ARHGEF4: variants seen among roughly 807,000 people sequenced by gnomAD.
ARHGEF4 encodes Rho guanine nucleotide exchange factor 4.
Under a neutral mutation model 162.0 loss-of-function variants are expected in ARHGEF4, and 119 were observed. The ratio of observed to expected loss-of-function variants is 0.73; its 90% CI spans 0.63 to 0.86. The LOEUF is 0.86. Ranked by LOEUF, ARHGEF4 falls within the 40% of genes least tolerant of loss-of-function variation. The probability of loss-of-function intolerance (pLI) is 0.00; values close to 1 mark genes in which losing one functional copy is unlikely to be tolerated. For synonymous variants in ARHGEF4, 1,014 were observed against 979.9 expected, an observed-to-expected ratio of 1.03 and a Z score of -0.65; for missense variants, 2,488 against 2,456.0, an observed-to-expected ratio of 1.01 and a Z score of -0.28.
At chr2:130,962,110 G>A (rs139733907) in intron 4 of ARHGEF4, among the ~76,000 whole-genome samples, 3,636 of 152,056 alleles carry the variant, frequency 0.024, 134 homozygotes, top group African/African-American at 0.083. Flanking sequence ...ATGGTGGCGC[G>A]TGCCTGTAAT....
chr2:130,843,888 A>T (rs1305539869), intron 1 of ARHGEF4, among the ~76,000 whole-genome samples: 2 of 152,130 alleles, frequency 1.3e-5, no homozygotes, highest in African/African-American at 2.4e-5. Context: ...GTTTCTAGAG[A>T]CATGAACTCC....
At chr2:130,988,899 TATAGAGAGAG>T (rs1441306658) in intron 4 of ARHGEF4, among the ~76,000 whole-genome samples, 133 of 113,016 alleles carry the variant, frequency 1.2e-3, no homozygotes, top group South Asian at 2.6e-3. Context: ...TATATATATA[TATAGAGAGAG>T]AGAGAGAGAG....
At chr2:131,036,203 G>A (rs1406335827) in intron 5 of ARHGEF4, among the ~76,000 whole-genome samples, 1 of 152,234 alleles carries the variant, frequency 6.6e-6, no homozygotes, top group Non-Finnish European at 1.5e-5. Flanking sequence ...TAGCATCGGA[G>A]GTGGAGCATG....
intron 1 of ARHGEF4, among the ~76,000 whole-genome samples, chr2:130,845,770 G>A (rs1680914320): frequency 6.6e-6 from 1 of 152,218 alleles, no homozygotes; most frequent in African/African-American, 2.4e-5. Context: ...CCACAGAGCA[G>A]CACTAGGAGG....
intron 11 of ARHGEF4, 107 bp downstream of exon 11, chr2:131,043,690 C>A: frequency 6.5e-7 from 1 of 1,534,286 alleles, no homozygotes; most frequent in Non-Finnish European, 8.9e-7. Context: ...AGACCATACC[C>A]GGGGAGCCTG....
intron 5 of ARHGEF4, among the ~76,000 whole-genome samples, chr2:131,030,445 G>A (rs10186327): frequency 0.84 from 127,792 of 152,188 alleles, 56,301 homozygotes; most frequent in Non-Finnish European, 0.97. Context: ...TCCTGGCATT[G>A]GAGGTTGCTG....
chr2:130,895,441 G>C (rs1680098734), intron 1 of ARHGEF4, among the ~76,000 whole-genome samples: 1 of 152,188 alleles, frequency 6.6e-6, no homozygotes, highest in South Asian at 2.1e-4. Context: ...TAAACATCTA[G>C]GAGCAGAATT....
chr2:130,931,278 A>G (rs780405618), intron 3 of ARHGEF4, 21 bp downstream of exon 3: 2 of 1,577,956 alleles, frequency 1.3e-6, no homozygotes, highest in Non-Finnish European at 1.7e-6. Context: ...CCCGGCCAGG[A>G]GTCCTCAGAC....
chr2:130,966,106 T>G (rs1270720880), intron 4 of ARHGEF4, among the ~76,000 whole-genome samples: 3 of 151,974 alleles, frequency 2.0e-5, no homozygotes. Context: ...ACCCGGGGAG[T>G]GCTGGTCAGT....
At chr2:130,837,852 C>A (rs1469032253) in intron 1 of ARHGEF4, among the ~76,000 whole-genome samples, 1 of 5,858 alleles carries the variant, frequency 1.7e-4, no homozygotes, top group African/African-American at 9.0e-4. Context: ...GTGGGGCTGT[C>A]GGGGCGGGAG....
chr2:131,035,028 G>A (rs1221448249), intron 5 of ARHGEF4: 1 of 988,780 alleles, frequency 1.0e-6, no homozygotes, highest in African/African-American at 1.8e-5. Context: ...CGGGCGCTGC[G>A]GGCCACCGGC....
At chr2:130,959,734 T>A (rs1684522477) in intron 4 of ARHGEF4, among the ~76,000 whole-genome samples, 2 of 152,192 alleles carry the variant, frequency 1.3e-5, no homozygotes, top group African/African-American at 4.8e-5. Context: ...GATTAAGTAA[T>A]TTGCCCAAGG....
At chr2:130,867,687 T>C (rs970487247) in intron 1 of ARHGEF4, among the ~76,000 whole-genome samples, 14 of 152,190 alleles carry the variant, frequency 9.2e-5, no homozygotes, top group Non-Finnish European at 1.9e-4. Flanking sequence ...TTCCTCCTCT[T>C]TCAGCCTGTA....
intron 4 of ARHGEF4, among the ~76,000 whole-genome samples, chr2:130,966,564 T>C (rs904491484): frequency 4.6e-5 from 7 of 152,220 alleles, no homozygotes; most frequent in African/African-American, 1.7e-4. Flanking sequence ...CAAGGTTACC[T>C]GGTGAGGCTG....
chr2:130,958,029 A>C (rs1684400497), intron 4 of ARHGEF4, among the ~76,000 whole-genome samples: 1 of 147,140 alleles, frequency 6.8e-6, no homozygotes, highest in Non-Finnish European at 1.5e-5. Context: ...AAAAAAAAAG[A>C]AAGAAGCAGG....
In ARHGEF4 at chr2:130,914,508, G is replaced by A. The variant is rs1196185762; in HGVS notation, c.562G>A (p.Ala188Thr). 1.4e-6 allele frequency: 2 copies of A among 1,429,540 alleles called. No individual in the cohort carries two copies. Among genetic ancestry groups the A allele is most frequent in the Non-Finnish European group, 1.8e-6 (2 of 1,097,660 alleles). 88.6% of individuals were successfully genotyped at this position (1,429,540 alleles called of 1,614,324 possible). A position where few individuals can be genotyped will look rare whatever the true frequency, so the allele number is the denominator to read the frequency against. The change falls in exon 2 of 14, where the codon GCC (alanine) becomes ACC (threonine). Residue 188 changes from alanine (A) to threonine (T), a missense_variant. Around this residue, in one of 6 missense-constraint regions of ARHGEF4, gnomAD observed 81 missense variants for 125.8 expected, o/e 0.64. Transcript: ENST00000409359. ...PRHTGCCLQR[A>T]TDSSGPEPVQ... Reference sequence around the variant, plus strand: ...ACACACAGGGTGCTGCTTACAGAGGGCCACAGACAGCAGTGGTCCTGAGCC... The same window carrying A: ...ACACACAGGGTGCTGCTTACAGAGGACCACAGACAGCAGTGGTCCTGAGCC...
At chr2:130,983,331 G>A (rs1304133058) in intron 4 of ARHGEF4, among the ~76,000 whole-genome samples, 1 of 152,172 alleles carries the variant, frequency 6.6e-6, no homozygotes, top group Non-Finnish European at 1.5e-5. Context: ...TAACTCAGAA[G>A]ATTCAGCTGT....
At chr2:131,006,998 GACAT>G (rs1294191703) in intron 4 of ARHGEF4, among the ~76,000 whole-genome samples, 13 of 152,312 alleles carry the variant, frequency 8.5e-5, no homozygotes, top group Middle Eastern at 3.4e-3. Flanking sequence ...CTGTCACAAT[GACAT>G]ACATCTTCCA....
intron 1 of ARHGEF4, among the ~76,000 whole-genome samples, chr2:130,881,961 A>T (rs1679219101): frequency 6.6e-6 from 1 of 152,062 alleles, no homozygotes; most frequent in South Asian, 2.1e-4. Context: ...AGCCTCAGGC[A>T]GCGCTTGGGG....
Sources: allele counts gnomAD v4.1 joint callset (sites outside exome capture counted in the v4.1 genomes callset), GRCh38; gene constraint gnomAD v4.1.1; regional missense constraint gnomAD v4.1.1; transcripts MANE v1.5; gene names NCBI Gene and HGNC (gene_info 2026-07-23, HGNC 2026-07-21).